ECT2L: variants seen among roughly 807,000 people sequenced by gnomAD.
ECT2L encodes the protein epithelial cell transforming 2 like, also known as epithelial cell-transforming sequence 2 oncogene-like.
ECT2L carries 126 observed loss-of-function variants against 122.8 expected under a neutral mutation model. The observed-to-expected ratio is 1.03, with a 90% CI of 0.89 to 1.19. The LOEUF (loss-of-function observed/expected upper bound fraction) is 1.19, where lower values mean the gene tolerates loss of function less well. Among genes scored for constraint, ECT2L ranks in the 50% most tolerant of loss-of-function variants. ECT2L has a pLI of 0.00. For synonymous variants in ECT2L, 385 were observed against 381.8 expected, an observed-to-expected ratio of 1.01 and a Z score of -0.10; for missense variants, 1,012 against 1,064.1, an observed-to-expected ratio of 0.95 and a Z score of 0.68.
At chr6:138,846,035 C>T (rs142756347) in intron 7 of ECT2L, among the ~76,000 whole-genome samples, 305 of 152,224 alleles carry the variant, frequency 2.0e-3, no homozygotes, top group African/African-American at 7.0e-3. Flanking sequence ...GACACAACTG[C>T]ACTCCAGCCT....
At chr6:138,818,583 AC>A (rs1776148022) in intron 4 of ECT2L, among the ~76,000 whole-genome samples, 5 of 152,218 alleles carry the variant, frequency 3.3e-5, no homozygotes, top group Admixed American at 6.5e-5. Flanking sequence ...ATCGAATGAA[AC>A]TTGCTGAAGA....
intron 4 of ECT2L, among the ~76,000 whole-genome samples, chr6:138,825,178 A>G (rs918318629): frequency 1.3e-5 from 2 of 152,222 alleles, no homozygotes; most frequent in South Asian, 4.1e-4. Flanking sequence ...TCAGACAAGC[A>G]AAGACTCAGA....
Position 138,812,834 on chromosome 6 carries a change from C to G in ECT2L, c.-243-4C>G, listed in dbSNP as rs1775946619. ...AAACAAAATAACAAATTCTTATTTT[C>G]CAGGTAAAGAAAAAGTCAACCTCCT... On this transcript the variant is annotated splice_region_variant and splice_polypyrimidine_tract_variant and intron_variant, in intron 1 of 21. Coordinates refer to ENST00000541398, the MANE Select transcript of ECT2L (RefSeq NM_001077706.3). The G allele has an allele frequency of 6.5e-6, 1 of 154,060 alleles. No individual in the cohort carries two copies. The highest frequency in any genetic ancestry group is 1.4e-5 in the Non-Finnish European group (1 of 69,500). The allele number at this position is 154,060 out of a possible 1,614,324, so 9.5% of individuals were successfully genotyped here. A position where few individuals can be genotyped will look rare whatever the true frequency, so the allele number is the denominator to read the frequency against.
At chr6:138,810,285 A>G (rs1775848012) in intron 1 of ECT2L, among the ~76,000 whole-genome samples, 1 of 152,232 alleles carries the variant, frequency 6.6e-6, no homozygotes, top group Non-Finnish European at 1.5e-5. Context: ...TGAGCAATAA[A>G]TGATGCTGAA....
intron 16 of ECT2L, among the ~76,000 whole-genome samples, chr6:138,884,456 G>A (rs988658140): frequency 7.2e-5 from 11 of 151,998 alleles, no homozygotes; most frequent in African/African-American, 2.7e-4. Flanking sequence ...TGGCCAACAT[G>A]GTGAAACCCC....
At chr6:138,809,870 C>A (rs1418406154) in intron 1 of ECT2L, among the ~76,000 whole-genome samples, 2 of 152,086 alleles carry the variant, frequency 1.3e-5, no homozygotes, top group African/African-American at 4.8e-5. Flanking sequence ...AGGATGTTTC[C>A]ATAACAACAG....
At chr6:138,872,621 C>T (rs1778297283) in intron 13 of ECT2L, among the ~76,000 whole-genome samples, 1 of 152,176 alleles carries the variant, frequency 6.6e-6, no homozygotes, top group Non-Finnish European at 1.5e-5. Context: ...ATCCTTTAGC[C>T]TATGAAAACC....
intron 1 of ECT2L, among the ~76,000 whole-genome samples, chr6:138,801,915 T>C (rs528621651): frequency 7.2e-5 from 11 of 152,344 alleles, no homozygotes; most frequent in African/African-American, 2.6e-4. Context: ...CCAATTACTT[T>C]ATAAAATCTG....
intron 4 of ECT2L, among the ~76,000 whole-genome samples, chr6:138,826,998 A>G (rs10872494): frequency 0.34 from 52,362 of 151,962 alleles, 9,476 homozygotes; most frequent in Admixed American, 0.46. Flanking sequence ...TGCCAGCACC[A>G]TGCTTCCTAT....
At chr6:138,807,386 C>T (rs1203288721) in intron 1 of ECT2L, among the ~76,000 whole-genome samples, 2 of 152,216 alleles carry the variant, frequency 1.3e-5, no homozygotes, top group East Asian at 3.8e-4. Flanking sequence ...CTACATCCTA[C>T]TCAGAATTTC....
At chr6:138,831,219 AT>A (rs902585766) in intron 4 of ECT2L, among the ~76,000 whole-genome samples, 1 of 152,206 alleles carries the variant, frequency 6.6e-6, no homozygotes, top group African/African-American at 2.4e-5. Context: ...GGCCTGGGCT[AT>A]GGCTATGGCC....
chr6:138,893,452 ACTCTTT>A (rs1779108623), intron 20 of ECT2L, among the ~76,000 whole-genome samples: 5 of 151,032 alleles, frequency 3.3e-5, no homozygotes, highest in Admixed American at 1.3e-4. Flanking sequence ...ACAAGGTCTC[ACTCTTT>A]CACCCAGACT....
chr6:138,882,905 C>A, intron 16 of ECT2L, 34 bp downstream of exon 16: 1 of 1,607,022 alleles, frequency 6.2e-7, no homozygotes, highest in Non-Finnish European at 8.5e-7. Context: ...TTCTATAAGA[C>A]CTGAGCTAGA....
intron 1 of ECT2L, among the ~76,000 whole-genome samples, chr6:138,802,218 A>C (rs574703918): frequency 9.8e-5 from 15 of 152,354 alleles, no homozygotes; most frequent in African/African-American, 3.6e-4. Context: ...TCCCTCCAAC[A>C]ATCAGTTATG....
chr6:138,846,469 A>G, intron 7 of ECT2L, 70 bp from the exon 8 acceptor site: 1 of 1,438,494 alleles, frequency 7.0e-7, no homozygotes, highest in Non-Finnish European at 9.3e-7. Context: ...CCAGAGACAT[A>G]TGCTGTGTAC....
At chr6:138,891,600 C>G (rs1779029486) in intron 20 of ECT2L, among the ~76,000 whole-genome samples, 1 of 152,160 alleles carries the variant, frequency 6.6e-6, no homozygotes, top group Non-Finnish European at 1.5e-5. Flanking sequence ...CCCCCCATGA[C>G]CTGGAAGCCC....
intron 4 of ECT2L, among the ~76,000 whole-genome samples, chr6:138,820,111 C>G (rs1776223496): frequency 6.6e-6 from 1 of 152,120 alleles, no homozygotes. Flanking sequence ...GATTTCCACC[C>G]CCTACAAGGC....
chr6:138,892,609 T>G (rs924762094), intron 20 of ECT2L, among the ~76,000 whole-genome samples: 15 of 152,152 alleles, frequency 9.9e-5, no homozygotes, highest in Non-Finnish European at 2.2e-4. Context: ...TTCTCCTGCC[T>G]CAGGCTTCTA....
chr6:138,851,906 A>G (rs973309048), intron 9 of ECT2L, among the ~76,000 whole-genome samples: 2 of 152,232 alleles, frequency 1.3e-5, no homozygotes, highest in Non-Finnish European at 2.9e-5. Flanking sequence ...CTAGTTGGCT[A>G]CAGATTTATT....
Sources: gnomAD v4.1 joint callset for allele counts (sites outside exome capture counted in the v4.1 genomes callset) on GRCh38, gnomAD v4.1.1 for gene constraint, MANE v1.5 for transcripts, NCBI Gene and HGNC (gene_info 2026-07-23, HGNC 2026-07-21) for gene names.